The following ROBO1 variants were observed in gnomAD, a reference collection of about 807,000 sequenced individuals.
ROBO1 encodes roundabout guidance receptor 1, also known as roundabout homolog 1.
A neutral mutation model predicts 195.9 loss-of-function variants in ROBO1; 149 were observed. The ratio of observed to expected loss-of-function variants is 0.76; its 90% CI spans 0.67 to 0.87. The LOEUF (loss-of-function observed/expected upper bound fraction) is 0.87, where lower values mean the gene tolerates loss of function less well. Among genes scored for constraint, ROBO1 ranks in the 40% least tolerant of loss-of-function variants. The pLI, the probability that ROBO1 is intolerant of heterozygous loss-of-function variation, is 0.00. For synonymous variants in ROBO1, 816 were observed against 733.2 expected (o/e 1.11, Z -1.82); for missense variants, 1,933 against 2,068.3 (o/e 0.93, Z 1.27).
chr3:79,180,648 G>A (rs2081325246), intron 2 of ROBO1, among the ~76,000 whole-genome samples: 1 of 152,140 alleles, frequency 6.6e-6, no homozygotes, highest in African/African-American at 2.4e-5. Context: ...GATTAAATAA[G>A]CAAGTACATT....
intron 4 of ROBO1, among the ~76,000 whole-genome samples, chr3:78,922,529 C>A (rs1321634755): frequency 6.6e-6 from 1 of 151,962 alleles, no homozygotes; most frequent in African/African-American, 2.4e-5. Context: ...CCTTCTCCCT[C>A]TTCCTCTCCC....
intron 1 of ROBO1, among the ~76,000 whole-genome samples, chr3:79,718,951 A>G (rs1702594106): frequency 6.6e-6 from 1 of 152,086 alleles, no homozygotes; most frequent in African/African-American, 2.4e-5. Flanking sequence ...TAAAAGAAAT[A>G]CTTAAGCAGA....
At chr3:78,715,903 T>A (rs2081891393) in intron 7 of ROBO1, among the ~76,000 whole-genome samples, 1 of 152,184 alleles carries the variant, frequency 6.6e-6, no homozygotes, top group South Asian at 2.1e-4. Flanking sequence ...AATGTGCATA[T>A]AATATTAGGA....
chr3:78,658,505 G>A (rs962819859), intron 17 of ROBO1, among the ~76,000 whole-genome samples: 2 of 152,112 alleles, frequency 1.3e-5, no homozygotes, highest in Non-Finnish European at 2.9e-5. Flanking sequence ...TGGCCAGGCC[G>A]GCCTGACCTC....
intron 3 of ROBO1, among the ~76,000 whole-genome samples, chr3:79,061,232 G>A (rs1006476459): frequency 1.5e-4 from 23 of 152,200 alleles, no homozygotes; most frequent in African/African-American, 4.6e-4. Context: ...GCCAAATCAC[G>A]AGTGAACTCC....
In ROBO1 at chr3:78,638,385, C is replaced by T. The variant is rs138894171; in HGVS notation, c.3037+1359G>A. Among the ~76,000 whole-genome samples the T allele has an allele frequency of 5.6e-3, 847 of 150,868 alleles. 10 individuals carry two copies. In the South Asian group the frequency reaches 0.067, roughly 12 times the overall value. The stretch of plus-strand genomic sequence containing the variant: ...CGTGTCCTCAGGATTTGCTACTATA[C>T]CATAAAATCTGATTTTAAATTTCAG... On this transcript the variant is annotated intron_variant, in intron 22 of 30. Transcript: ENST00000464233.
At chr3:79,338,266 A>G (rs962212286) in intron 2 of ROBO1, among the ~76,000 whole-genome samples, 3 of 152,208 alleles carry the variant, frequency 2.0e-5, no homozygotes, top group African/African-American at 7.2e-5. Context: ...TAAATATTGC[A>G]TTTAATTCTC....
chr3:78,639,774 C>T lies in ROBO1; in HGVS notation c.3007G>A (p.Asp1003Asn), dbSNP rs552122795. 36 of 1,613,246 alleles carry T rather than the reference C, an allele frequency of 2.2e-5. No individual in the cohort carries two copies. The highest frequency in any genetic ancestry group is 1.5e-4 in the Admixed American group (9 of 59,988). ...CGACTGTAGGTAGTGAGGTTGCTGT[C>T]GCTGTTTCCATTGCCTGCCGTGCAG... ...SCCTAGNGNS[D>N]SNLTTYSRPA... The change falls in exon 22 of 31, where the codon GAC becomes AAC. Residue 1003 changes from aspartate to asparagine, a missense_variant. Around this residue, in one of 3 missense-constraint regions of ROBO1, gnomAD observed 1,737 missense variants for 1,882.5 expected, o/e 0.92. Coordinates refer to ENST00000464233, the MANE Select transcript of ROBO1 (RefSeq NM_002941.4).
intron 2 of ROBO1, among the ~76,000 whole-genome samples, chr3:79,519,253 T>A (rs1353086584): frequency 6.6e-6 from 1 of 152,158 alleles, no homozygotes; most frequent in Non-Finnish European, 1.5e-5. Context: ...AGAACCCATA[T>A]TGATCTTTTT....
intron 2 of ROBO1, among the ~76,000 whole-genome samples, chr3:79,404,843 C>G (rs1476034116): frequency 2.0e-5 from 3 of 151,828 alleles, no homozygotes; most frequent in African/African-American, 7.3e-5. Context: ...ATTCAAAGGC[C>G]TCAGCTGGAA....
At chr3:79,470,080 A>G (rs907974122) in intron 2 of ROBO1, among the ~76,000 whole-genome samples, 2 of 152,178 alleles carry the variant, frequency 1.3e-5, no homozygotes, top group African/African-American at 4.8e-5. Flanking sequence ...TATGTATACT[A>G]AATCGTGCTG....
chr3:79,474,683 A>G (rs930558348), intron 2 of ROBO1, among the ~76,000 whole-genome samples: 1 of 152,098 alleles, frequency 6.6e-6, no homozygotes, highest in Non-Finnish European at 1.5e-5. Context: ...TTTTTGAAAA[A>G]AAGAAACAAT....
At chr3:79,331,285 A>C (rs1290461344) in intron 2 of ROBO1, among the ~76,000 whole-genome samples, 2 of 152,202 alleles carry the variant, frequency 1.3e-5, no homozygotes, top group Non-Finnish European at 2.9e-5. Flanking sequence ...TTTGATGTTG[A>C]ATACTATAAA....
chr3:79,076,681 G>C (rs1215430367), intron 3 of ROBO1, among the ~76,000 whole-genome samples: 1 of 151,648 alleles, frequency 6.6e-6, no homozygotes, highest in African/African-American at 2.4e-5. Flanking sequence ...AGAGTCAAAT[G>C]GTAGAATTTC....
chr3:78,954,944 T>C (rs2040965400), intron 3 of ROBO1, among the ~76,000 whole-genome samples: 1 of 106,938 alleles, frequency 9.4e-6, no homozygotes, highest in Admixed American at 1.4e-4. Context: ...CTTTCGTGTT[T>C]AAAAACTTTT....
chr3:79,463,265 CT>C (rs1383828323), intron 2 of ROBO1, among the ~76,000 whole-genome samples: 5 of 151,926 alleles, frequency 3.3e-5, no homozygotes, highest in African/African-American at 1.2e-4. Flanking sequence ...GTCCCAGCTA[CT>C]TGGGAGGCTG....
chr3:79,293,658 T>C (rs2032395665), intron 2 of ROBO1, among the ~76,000 whole-genome samples: 1 of 152,156 alleles, frequency 6.6e-6, no homozygotes, highest in South Asian at 2.1e-4. Context: ...AAACATTTCA[T>C]GCTAGGAAGA....
intron 2 of ROBO1, among the ~76,000 whole-genome samples, chr3:79,432,624 T>G (rs2038722419): frequency 1.3e-5 from 2 of 152,136 alleles, no homozygotes. Context: ...TAAGCATCTC[T>G]GCCAACTCCA....
At chr3:79,580,082 C>T (rs552300364) in intron 2 of ROBO1, among the ~76,000 whole-genome samples, 2 of 152,216 alleles carry the variant, frequency 1.3e-5, no homozygotes, top group East Asian at 1.9e-4. Flanking sequence ...TTTTCATATA[C>T]AAGGAATTCA....
Sources: gnomAD v4.1 joint callset for allele counts (sites outside exome capture counted in the v4.1 genomes callset) on GRCh38, gnomAD v4.1.1 for gene constraint, gnomAD v4.1.1 regional missense constraint, MANE v1.5 for transcripts, NCBI Gene and HGNC (gene_info 2026-07-23, HGNC 2026-07-21) for gene names.